Variants in IL1RL1 observed in about 807,000 individuals in gnomAD.
The protein encoded by IL1RL1 is interleukin 1 receptor like 1, also known as interleukin-1 receptor-like 1.
In IL1RL1, 32 loss-of-function variants were observed where a neutral mutation model predicts 50.9. The observed-to-expected ratio is 0.63, with a 90% CI of 0.47 to 0.84. The LOEUF (loss-of-function observed/expected upper bound fraction) is 0.84. Among genes scored for constraint, IL1RL1 ranks in the 40% least tolerant of loss-of-function variants. The pLI is 0.00. For synonymous variants in IL1RL1, 275 were observed against 236.0 expected, an observed-to-expected ratio of 1.17 and a Z score of -1.51; for missense variants, 773 against 662.9, an observed-to-expected ratio of 1.17 and a Z score of -1.82.
intron 1 of IL1RL1, chr2:102,312,830 G>A (rs1676557198): frequency 6.6e-6 from 1 of 151,988 alleles, no homozygotes; most frequent in Admixed American, 6.6e-5. Context: ...TTCAACAGAG[G>A]GTGCAGAGGT....
At chr2:102,342,731 C>T (rs1331559753) in intron 6 of IL1RL1, among the ~76,000 whole-genome samples, 1 of 152,110 alleles carries the variant, frequency 6.6e-6, no homozygotes, top group Non-Finnish European at 1.5e-5. Context: ...AGAGGGCAAT[C>T]CTTTTACTAG....
At chr2:102,337,821 AC>A (rs1677383541) in intron 1 of IL1RL1, among the ~76,000 whole-genome samples, 1 of 151,762 alleles carries the variant, frequency 6.6e-6, no homozygotes, top group Admixed American at 6.6e-5. Context: ...AAAAATAGAA[AC>A]TCATATTCTT....
intron 9 of IL1RL1, among the ~76,000 whole-genome samples, chr2:102,348,591 A>T (rs73004232): frequency 0.028 from 4,258 of 152,326 alleles, 178 homozygotes; most frequent in African/African-American, 0.096. Flanking sequence ...CTTCATGCTT[A>T]CATTTGGAGG....
chr2:102,311,741 T>A (rs1425528311), intron 1 of IL1RL1, 118 bp downstream of exon 1: 1 of 126,686 alleles, frequency 7.9e-6, no homozygotes, highest in Non-Finnish European at 1.6e-5. Context: ...TATAACATTA[T>A]ATGTTATAAT....
In IL1RL1 at chr2:102,351,992, T is replaced by A. The variant is rs1677951036; in HGVS notation, c.*71T>A. 7.2e-7 allele frequency: 1 copy of A among 1,392,824 alleles called. No individual in the cohort carries two copies. Among genetic ancestry groups the A allele is most frequent in the African/African-American group, 1.5e-5 (1 of 68,450 alleles). The allele number at this position is 1,392,824 out of a possible 1,614,324, so 86.3% of individuals were successfully genotyped here. On this transcript the variant is annotated 3_prime_UTR_variant, in exon 11 of 11. Coordinates refer to ENST00000233954, the MANE Select transcript of IL1RL1 (RefSeq NM_016232.5). ...ACTTCTCCTAGCTGGCTTATGCCCC[T>A]GCACTGAAGTGTGAGGAGCAGGAAT...
At position 102,341,231 on chromosome 2, in the gene IL1RL1, T is replaced by C. The variant is rs776782535; in HGVS notation, c.610+403T>C. On this transcript the variant is annotated intron_variant, in intron 5 of 10. Coordinates refer to ENST00000233954, the MANE Select transcript of IL1RL1 (RefSeq NM_016232.5). ...GCAAATTAAAAAAGAGCTTAATCTT[T>C]AGTAATACTCATTGGATTCAAAGTC... The C allele has an allele frequency of 4.0e-5, 49 of 1,218,476 alleles. 1 individual carries two copies. In the South Asian group the frequency reaches 6.9e-4, roughly 17 times the overall value. 75.5% of individuals were successfully genotyped at this position (1,218,476 alleles called of 1,614,324 possible).
At chr2:102,326,358 A>T (rs1676998167) in intron 1 of IL1RL1, among the ~76,000 whole-genome samples, 1 of 152,206 alleles carries the variant, frequency 6.6e-6, no homozygotes, top group Non-Finnish European at 1.5e-5. Flanking sequence ...GGAAGCACTA[A>T]ACATGGAAAG....
intron 8 of IL1RL1, chr2:102,343,906 C>T (rs1677684359): frequency 1.0e-6 from 1 of 996,150 alleles, no homozygotes; most frequent in Non-Finnish European, 1.2e-6. Flanking sequence ...ACTGCCATTT[C>T]AGTGAGAAAA....
chr2:102,329,928 T>C (rs539477698), intron 1 of IL1RL1, among the ~76,000 whole-genome samples: 1 of 152,364 alleles, frequency 6.6e-6, no homozygotes, highest in Non-Finnish European at 1.5e-5. Flanking sequence ...GAAGTCAGTG[T>C]GGCGATTCCT....
In IL1RL1 at chr2:102,325,681, T is replaced by A. The variant is rs571123621; in HGVS notation, c.-149-12435T>A. 1.5e-3 allele frequency among the ~76,000 whole-genome samples: 221 copies of A among 152,280 alleles called. 2 individuals carry two copies. Among genetic ancestry groups the A allele is most frequent in the African/African-American group, 5.1e-3 (213 of 41,562 alleles). On this transcript the variant is annotated intron_variant, in intron 1 of 10. Coordinates refer to ENST00000233954, the MANE Select transcript of IL1RL1 (RefSeq NM_016232.5). ...AAGGACCTGATGGAGCTGAAAACCA[T>A]GGCACGAGAACTACGTGATGAATGC...
chr2:102,331,402 T>C (rs1677175161), intron 1 of IL1RL1, among the ~76,000 whole-genome samples: 1 of 152,252 alleles, frequency 6.6e-6, no homozygotes, highest in Non-Finnish European at 1.5e-5. Flanking sequence ...AATTACACAA[T>C]GGTCTAAAAT....
At chr2:102,347,896 T>C (rs1273370989) in intron 8 of IL1RL1, 49 bp from the exon 9 acceptor site, 2 of 1,113,340 alleles carry the variant, frequency 1.8e-6, no homozygotes, top group South Asian at 2.7e-5. Flanking sequence ...ATCAGTTTAT[T>C]ATATCTTGTT....
At chr2:102,341,221 G>A in intron 5 of IL1RL1, 1 of 1,177,690 alleles carries the variant, frequency 8.5e-7, no homozygotes, top group Non-Finnish European at 1.1e-6. Flanking sequence ...TTAAAAAAGA[G>A]CTTAATCTTT....
chr2:102,336,953 C>A (rs1677348808), intron 1 of IL1RL1, among the ~76,000 whole-genome samples: 2 of 152,186 alleles, frequency 1.3e-5, no homozygotes, highest in South Asian at 4.1e-4. Flanking sequence ...AGGCAGCCTC[C>A]AGGTCCCCGA....
chr2:102,333,029 A>G (rs1420488344), intron 1 of IL1RL1, among the ~76,000 whole-genome samples: 1 of 151,918 alleles, frequency 6.6e-6, no homozygotes, highest in Non-Finnish European at 1.5e-5. Flanking sequence ...ACGGGGTTGG[A>G]GGGGAGGGGT....
chr2:102,340,612 T>A, intron 4 of IL1RL1, 54 bp from the exon 5 acceptor site: 1 of 1,541,252 alleles, frequency 6.5e-7, no homozygotes, highest in Non-Finnish European at 8.8e-7. Flanking sequence ...TGTCAACAGA[T>A]AAATAAATAA....
At chr2:102,347,441 A>G (rs2104998632) in intron 8 of IL1RL1, among the ~76,000 whole-genome samples, 1 of 152,332 alleles carries the variant, frequency 6.6e-6, no homozygotes, top group South Asian at 2.1e-4. Context: ...GCCCTGACCA[A>G]ACTTTCTAAT....
chr2:102,313,356 G>A (rs1422085260), intron 1 of IL1RL1: 1 of 152,088 alleles, frequency 6.6e-6, no homozygotes, highest in Non-Finnish European at 1.5e-5. Context: ...CTGTAGATAT[G>A]CTGCTGTGAC....
Position 102,340,737 on chromosome 2 carries a change from T to C in IL1RL1, c.519T>C (p.Thr173=). The C allele has an allele frequency of 1.2e-6, 2 of 1,600,680 alleles. No homozygotes were observed. The highest frequency in any genetic ancestry group is 1.7e-6 in the Non-Finnish European group (2 of 1,175,946). ...TTTTGGTCATTGATAATGTGATGAC[T>C]GAGGACGCAGGTGATTACACCTGTA... ...KSFLVIDNVM[T]EDAGDYTCKF... Residue 173 remains threonine (T), a synonymous_variant, in exon 5 of 11, where the codon ACT becomes ACC. Transcript: ENST00000233954.
Sources: allele counts gnomAD v4.1 joint callset (sites outside exome capture counted in the v4.1 genomes callset), GRCh38; gene constraint gnomAD v4.1.1; transcripts MANE v1.5; gene names NCBI Gene and HGNC (gene_info 2026-07-23, HGNC 2026-07-21).